Variants in OAS2 observed in about 807,000 individuals in gnomAD.
OAS2 encodes the protein 2'-5'-oligoadenylate synthase 2.
A neutral mutation model predicts 71.3 loss-of-function variants in OAS2; 67 were observed. The observed-to-expected ratio is 0.94, with a 90% CI of 0.77 to 1.15. OAS2 has a LOEUF of 1.15. OAS2 is among the 50% of genes most tolerant of loss of function. The pLI is 0.00. For synonymous variants in OAS2, 327 were observed against 321.8 expected (o/e 1.02, Z -0.17); for missense variants, 789 against 822.5 (o/e 0.96, Z 0.50).
intron 2 of OAS2, chr12:112,988,086 A>T (rs1167891198): frequency 3.0e-6 from 3 of 985,322 alleles, no homozygotes; most frequent in Non-Finnish European, 3.6e-6. Context: ...ACCACCAATT[A>T]TAATTGCAGA....
chr12:112,986,046 G>A (rs1182130621), intron 1 of OAS2, among the ~76,000 whole-genome samples: 1 of 152,172 alleles, frequency 6.6e-6, no homozygotes, highest in Non-Finnish European at 1.5e-5. Context: ...TGAGTGGAGC[G>A]CTTTGGCTTT....
intron 1 of OAS2, among the ~76,000 whole-genome samples, chr12:112,984,167 G>T (rs1251440825): frequency 6.6e-6 from 1 of 152,136 alleles, no homozygotes; most frequent in Non-Finnish European, 1.5e-5. Context: ...TCTCTGTTTA[G>T]CTCTAATATT....
chr12:112,989,767 G>A (rs1199895352), intron 2 of OAS2, among the ~76,000 whole-genome samples: 2 of 152,164 alleles, frequency 1.3e-5, no homozygotes, highest in Admixed American at 1.3e-4. Flanking sequence ...GGTTTTTCAG[G>A]TCAACTTTGG....
At position 113,009,838 on chromosome 12, in the gene OAS2, G is replaced by T. The variant is rs1015134853; in HGVS notation, c.*583G>T. 8.1e-6 allele frequency: 8 copies of T among 986,534 alleles called. No individual in the cohort carries two copies. The highest frequency in any genetic ancestry group is 9.6e-6 in the Non-Finnish European group (8 of 830,934). 61.1% of individuals were successfully genotyped at this position (986,534 alleles called of 1,614,324 possible). On this transcript the variant is annotated 3_prime_UTR_variant, in exon 10 of 10. Transcript: ENST00000392583. The stretch of plus-strand genomic sequence containing the variant: ...TTGCACTGGCCACCCAAGGATGTCT[G>T]CCACACCTCTCCAAAGCCCTCCCTA...
At position 113,007,707 on chromosome 12, in the gene OAS2, T is replaced by C. The variant is rs2044346619; in HGVS notation, c.1659T>C (p.Cys553=). 1 of 1,613,324 alleles carries C rather than the reference T, an allele frequency of 6.2e-7. No individual in the cohort carries two copies. Among genetic ancestry groups the C allele is most frequent in the African/African-American group, 1.3e-5 (1 of 74,996 alleles). ...IRLVKHWYKE[C]ERKLKPKGSL... ...CTGATGTTCCCACTCTTACCTAGTG[T>C]GAAAGGAAACTGAAGCCAAAGGGGT... The change falls in exon 9 of 10, where the codon TGT becomes TGC. Residue 553 remains cysteine, a splice_region_variant and synonymous_variant. Transcript: ENST00000392583.
chr12:113,003,249 CA>C, intron 6 of OAS2, 147 bp downstream of exon 6: 4 of 793,776 alleles, frequency 5.0e-6, no homozygotes, highest in Non-Finnish European at 8.2e-6. Flanking sequence ...GGAACTAGGA[CA>C]CTAGTTTTCA....
rs374423134 is a variant in OAS2 at position 113,009,108 on chromosome 12, C to T, written c.1917C>T (p.Ala639=). 211 of 1,613,626 alleles carry T rather than the reference C, an allele frequency of 1.3e-4. No individual in the cohort carries two copies. The highest frequency in any genetic ancestry group is 1.7e-4 in the Non-Finnish European group (198 of 1,179,948). Residue 639 remains alanine, a synonymous_variant, in exon 10 of 10, where the codon GCC becomes GCT. Transcript: ENST00000392583. ...TCAGGCCTGTGATCTTGGACCCAGC[C>T]GAACCCACAGGTGACGTGGGTGGAG... ...QKTRPVILDP[A]EPTGDVGGGD...
Position 112,987,141 on chromosome 12 carries a change from A to C in OAS2, c.281A>C (p.Gln94Pro), listed in dbSNP as rs780090638. 16 of 1,614,084 alleles carry C rather than the reference A, an allele frequency of 9.9e-6. No homozygotes were observed. Among genetic ancestry groups the C allele is most frequent in the Middle Eastern group, 3.3e-4 (2 of 6,084 alleles). The change falls in exon 2 of 10, where the codon CAA becomes CCA. Residue 94 changes from glutamine (Q) to proline (P), a missense_variant. Gln to Pro is a moderately conservative substitution (Grantham distance 76, BLOSUM62 -1). Coordinates refer to ENST00000392583, the MANE Select transcript of OAS2 (RefSeq NM_002535.3). Reference protein sequence around the residue: ...LKQFQDQKRSQRDILDKTGDK... With the variant: ...LKQFQDQKRSPRDILDKTGDK... ...CAATTCCAGGATCAGAAGAGAAGCCAACGTGACATCCTCGATAAAACTGGG... is the reference window on the plus strand; with the variant it reads ...CAATTCCAGGATCAGAAGAGAAGCCCACGTGACATCCTCGATAAAACTGGG...
intron 3 of OAS2, among the ~76,000 whole-genome samples, chr12:112,996,847 C>G (rs1361091818): frequency 6.6e-6 from 1 of 152,100 alleles, no homozygotes; most frequent in Non-Finnish European, 1.5e-5. Flanking sequence ...GAAGCTTTAT[C>G]TAAAAATTTC....
At chr12:113,002,888 C>T (rs1332114121) in intron 5 of OAS2, 44 bp from the exon 6 acceptor site, 11 of 1,593,806 alleles carry the variant, frequency 6.9e-6, no homozygotes, top group Non-Finnish European at 9.4e-6. Flanking sequence ...CTTGGGTGGG[C>T]TTACAGGTGC....
In OAS2 at chr12:113,003,183, G is replaced by C. The variant is rs963696894; in HGVS notation, c.1179+81G>C. 9.1e-6 allele frequency: 13 copies of C among 1,431,192 alleles called. No homozygotes were observed. The African/African-American group carries it at 1.8e-4, about 20-fold the overall frequency. 88.7% of individuals were successfully genotyped at this position (1,431,192 alleles called of 1,614,324 possible). On this transcript the variant is annotated intron_variant, in intron 6 of 9. Transcript: ENST00000392583. Reference sequence around the variant, plus strand: ...GGAAGGGAGGTAAGTGGGCATTGTAGCTCTCCAGGATCCATCTACCTTCAG... The same window carrying C: ...GGAAGGGAGGTAAGTGGGCATTGTACCTCTCCAGGATCCATCTACCTTCAG...
At chr12:112,987,897 C>G (rs1287344940) in intron 2 of OAS2, 10 of 985,600 alleles carry the variant, frequency 1.0e-5, no homozygotes, top group Non-Finnish European at 1.2e-5. Flanking sequence ...CCTCTTGTGT[C>G]TCCTGTCTCA....
At chr12:112,994,152 T>C (rs770700657) in intron 2 of OAS2, among the ~76,000 whole-genome samples, 1 of 152,166 alleles carries the variant, frequency 6.6e-6, no homozygotes, top group Non-Finnish European at 1.5e-5. Context: ...AAATCCCTTA[T>C]TCCTCATGAT....
chr12:112,998,733 G>A (rs2044257988), intron 5 of OAS2, among the ~76,000 whole-genome samples: 2 of 152,116 alleles, frequency 1.3e-5, no homozygotes, highest in Non-Finnish European at 2.9e-5. Context: ...GAGGTCACAT[G>A]CCCTTCTCCC....
intron 5 of OAS2, among the ~76,000 whole-genome samples, chr12:113,000,872 C>T (rs1376395843): frequency 6.6e-6 from 1 of 152,246 alleles, no homozygotes; most frequent in Non-Finnish European, 1.5e-5. Flanking sequence ...CAACTTACAA[C>T]ATCTGAGAAC....
chr12:112,998,874 A>T (rs2136388610), intron 5 of OAS2, among the ~76,000 whole-genome samples: 2 of 152,310 alleles, frequency 1.3e-5, no homozygotes, highest in South Asian at 4.1e-4. Context: ...ATTTGAAAAG[A>T]CACTATTTCC....
Position 112,980,145 on chromosome 12 carries a change from A to G in OAS2, c.177+1360A>G, listed in dbSNP as rs148323555. 3.3e-5 allele frequency among the ~76,000 whole-genome samples: 5 copies of G among 152,228 alleles called. No homozygotes were observed. The East Asian group carries it at 9.6e-4, about 29-fold the overall frequency. On this transcript the variant is annotated intron_variant, in intron 1 of 9. Transcript: ENST00000392583. ...TTTTTATTTTTACATAATTGTGCATATTTATATGGGGTACATGTGATATTT... is the reference window on the plus strand; with the variant it reads ...TTTTTATTTTTACATAATTGTGCATGTTTATATGGGGTACATGTGATATTT...
intron 5 of OAS2, among the ~76,000 whole-genome samples, chr12:112,999,641 C>G (rs2044266571): frequency 6.6e-6 from 1 of 152,198 alleles, no homozygotes; most frequent in Non-Finnish European, 1.5e-5. Context: ...AGCAGTCACC[C>G]CTGTGCCCAC....
At chr12:112,997,898 G>C in intron 4 of OAS2, 143 bp downstream of exon 4, 1 of 686,774 alleles carries the variant, frequency 1.5e-6, no homozygotes, top group South Asian at 2.0e-5. Flanking sequence ...GAGGCAGATG[G>C]GTCTGTCTGA....
Sources: allele counts gnomAD v4.1 joint callset (sites outside exome capture counted in the v4.1 genomes callset), GRCh38; gene constraint gnomAD v4.1.1; transcripts MANE v1.5; gene names NCBI Gene and HGNC (gene_info 2026-07-23, HGNC 2026-07-21).